The following SOX5 variants were observed in gnomAD, a reference collection of about 807,000 sequenced individuals.
The protein encoded by SOX5 is transcription factor SOX-5.
A neutral mutation model predicts 92.0 loss-of-function variants in SOX5; 9 were observed. The ratio of observed to expected loss-of-function variants is 0.10; its 90% confidence interval spans 0.06 to 0.17. The LOEUF (loss-of-function observed/expected upper bound fraction) is 0.17, where lower values mean the gene tolerates loss of function less well. Among genes scored for constraint, SOX5 ranks in the 10% least tolerant of loss-of-function variants. SOX5 has a pLI of 1.00. For missense variants in SOX5, 642 were observed against 944.5 expected (o/e 0.68, Z 4.20); for synonymous variants, 344 against 336.3 (o/e 1.02, Z -0.25).
intron 1 of SOX5, among the ~76,000 whole-genome samples, chr12:23,898,030 A>G (rs2097194885): frequency 6.6e-6 from 1 of 152,174 alleles, no homozygotes; most frequent in African/African-American, 2.4e-5. Context: ...ACCATATCAC[A>G]CACTAAATTG....
intron 6 of SOX5, among the ~76,000 whole-genome samples, chr12:23,677,841 G>T (rs75434083): frequency 4.6e-5 from 7 of 150,554 alleles, no homozygotes; most frequent in Non-Finnish European, 9.0e-5. Context: ...GGTAAGAAGC[G>T]TTCCCGCAAA....
At chr12:23,865,791 A>G (rs2096805575) in intron 2 of SOX5, among the ~76,000 whole-genome samples, 1 of 152,214 alleles carries the variant, frequency 6.6e-6, no homozygotes, top group Non-Finnish European at 1.5e-5. Context: ...ATCATTATAG[A>G]TACAATTAAG....
At chr12:24,225,906 G>A (rs907600965) in intron 3 of SOX5, among the ~76,000 whole-genome samples, 14 of 152,156 alleles carry the variant, frequency 9.2e-5, no homozygotes, top group African/African-American at 3.4e-4. Context: ...GAGAAAAGGA[G>A]AAGGAATTCC....
chr12:23,747,088 C>T (rs532084627), intron 4 of SOX5, among the ~76,000 whole-genome samples: 177 of 152,124 alleles, frequency 1.2e-3, no homozygotes, highest in African/African-American at 4.0e-3. Flanking sequence ...ATGTCTTTAT[C>T]AGCAGCGTGA....
At chr12:23,615,976 TATAG>T (rs1182832972) in intron 8 of SOX5, among the ~76,000 whole-genome samples, 6 of 152,152 alleles carry the variant, frequency 3.9e-5, no homozygotes, top group Non-Finnish European at 7.3e-5. Context: ...AGGTAATACA[TATAG>T]ATAGTTACCT....
chr12:24,292,844 C>T (rs751507903), intron 2 of SOX5, among the ~76,000 whole-genome samples: 22 of 152,140 alleles, frequency 1.4e-4, no homozygotes, highest in South Asian at 4.1e-4. Context: ...ATATTTAAAA[C>T]GCAGTCGCTC....
chr12:23,570,696 G>A (rs1948024778), intron 10 of SOX5, among the ~76,000 whole-genome samples: 1 of 151,320 alleles, frequency 6.6e-6, no homozygotes, highest in South Asian at 2.1e-4. Flanking sequence ...GGATCACGAG[G>A]TCAGGAGATC....
chr12:24,344,486 G>A (rs893979659), intron 2 of SOX5, among the ~76,000 whole-genome samples: 4 of 152,050 alleles, frequency 2.6e-5, no homozygotes, highest in South Asian at 2.1e-4. Flanking sequence ...CCACACTGGC[G>A]ATGAACATGG....
chr12:24,286,516 A>G (rs777879377), intron 2 of SOX5, among the ~76,000 whole-genome samples: 1 of 152,124 alleles, frequency 6.6e-6, no homozygotes. Context: ...CATGCTCCAG[A>G]TGAAAGAACA....
chr12:23,550,013 G>A (rs1489632887), intron 11 of SOX5, among the ~76,000 whole-genome samples: 3 of 151,960 alleles, frequency 2.0e-5, no homozygotes, highest in Admixed American at 1.3e-4. Flanking sequence ...TTCACTTGGG[G>A]AACTTGGTAG....
chr12:23,924,242 C>T (rs547008986), intron 1 of SOX5, among the ~76,000 whole-genome samples: 48 of 152,272 alleles, frequency 3.2e-4, no homozygotes, highest in Non-Finnish European at 6.0e-4. Context: ...CTGCGAGAAA[C>T]GTATCATATT....
rs146943943 is a variant in SOX5 at position 23,790,403 on chromosome 12, C to A, written c.482-34679G>T. On this transcript the variant is annotated intron_variant, in intron 3 of 14. Coordinates refer to ENST00000451604, the MANE Select transcript of SOX5 (RefSeq NM_006940.6). ...TAAAAATTCTGTCAAGAACTCGATA[C>A]CATACATTCAATAAATAATAGTGAC... Among the ~76,000 whole-genome samples, 6 of 152,150 alleles carry A rather than the reference C, an allele frequency of 3.9e-5. No homozygotes were observed. The East Asian group carries it at 1.2e-3, about 29-fold the overall frequency.
chr12:24,148,688 T>TAAAAAAAAAAAAAAAA (rs398018872), intron 4 of SOX5, among the ~76,000 whole-genome samples: 6 of 70,944 alleles, frequency 8.5e-5, no homozygotes, highest in Non-Finnish European at 1.3e-4. Flanking sequence ...CCATCTCTAC[T>TAAAAAAAAAAAAAAAA]AAAAAAAAAA....
intron 7 of SOX5, among the ~76,000 whole-genome samples, chr12:23,646,841 C>A (rs76928983): frequency 0.016 from 2,444 of 152,246 alleles, 59 homozygotes; most frequent in African/African-American, 0.056. Flanking sequence ...CTATTTCCAC[C>A]ACATCTGCAA....
chr12:23,723,111 A>T (rs1268975775), intron 6 of SOX5, among the ~76,000 whole-genome samples: 2 of 152,020 alleles, frequency 1.3e-5, no homozygotes, highest in African/African-American at 4.8e-5. Flanking sequence ...ATGACAACGT[A>T]CCCTCTATCA....
chr12:23,674,298 G>A (rs976625194), intron 6 of SOX5, among the ~76,000 whole-genome samples: 2 of 143,628 alleles, frequency 1.4e-5, no homozygotes, highest in East Asian at 4.1e-4. Flanking sequence ...AAACACTAAC[G>A]AAATTAATTC....
At chr12:23,925,108 A>T (rs1420156393) in intron 1 of SOX5, among the ~76,000 whole-genome samples, 1 of 152,116 alleles carries the variant, frequency 6.6e-6, no homozygotes, top group Non-Finnish European at 1.5e-5. Flanking sequence ...ATGAGATTTT[A>T]TAACTATCCT....
chr12:24,049,638 GTTTTTTTTTTTTTTTTTTTTTT>G (rs527647441), intron 4 of SOX5, among the ~76,000 whole-genome samples: 1 of 73,750 alleles, frequency 1.4e-5, no homozygotes, highest in Non-Finnish European at 2.4e-5. Flanking sequence ...ATCCTTCATA[GTTTTTTTTTTTTTTTTTTTTTT>G]TTTTTTTTTT....
intron 9 of SOX5, among the ~76,000 whole-genome samples, chr12:23,598,958 T>C (rs1027939729): frequency 1.3e-5 from 2 of 152,174 alleles, no homozygotes; most frequent in African/African-American, 4.8e-5. Flanking sequence ...TGCTAGCATA[T>C]TGCTAAGTAA....
Sources: allele counts gnomAD v4.1 joint callset (sites outside exome capture counted in the v4.1 genomes callset), GRCh38; gene constraint gnomAD v4.1.1; transcripts MANE v1.5; gene names NCBI Gene and HGNC (gene_info 2026-07-23, HGNC 2026-07-21).